MPHOSPH6: variants seen among roughly 807,000 people sequenced by gnomAD.
MPHOSPH6 encodes M-phase phosphoprotein 6.
MPHOSPH6 carries 25 observed loss-of-function variants against 21.8 expected under a neutral mutation model. That is an observed-to-expected ratio of 1.15 (90% CI 0.83 to 1.60). The LOEUF (loss-of-function observed/expected upper bound fraction) is 1.60. MPHOSPH6 is among the 40% of genes most tolerant of loss of function. The probability of loss-of-function intolerance (pLI) is 0.00; values close to 1 mark genes in which losing one functional copy is unlikely to be tolerated. For synonymous variants in MPHOSPH6, 84 were observed against 56.5 expected, an observed-to-expected ratio of 1.49 and a Z score of -2.18; for missense variants, 269 against 181.8, an observed-to-expected ratio of 1.48 and a Z score of -2.76.
intron 2 of MPHOSPH6, among the ~76,000 whole-genome samples, chr16:82,161,872 A>C (rs1567614853): frequency 6.6e-6 from 1 of 152,202 alleles, no homozygotes; most frequent in Non-Finnish European, 1.5e-5. Flanking sequence ...GAATAGCCCT[A>C]ATTATCTTCA....
chr16:82,168,880 G>T (rs914948575), intron 1 of MPHOSPH6, among the ~76,000 whole-genome samples: 4 of 152,188 alleles, frequency 2.6e-5, no homozygotes, highest in African/African-American at 9.7e-5. Context: ...TTAGTGACAG[G>T]CATCACAGAG....
chr16:82,150,465 C>T (rs1906228968), intron 3 of MPHOSPH6, among the ~76,000 whole-genome samples: 1 of 152,204 alleles, frequency 6.6e-6, no homozygotes, highest in African/African-American at 2.4e-5. Context: ...CCTCCTCCCA[C>T]TCCGCCAAAA....
At chr16:82,154,125 G>A (rs1906354061) in intron 2 of MPHOSPH6, among the ~76,000 whole-genome samples, 1 of 152,050 alleles carries the variant, frequency 6.6e-6, no homozygotes, top group Admixed American at 6.5e-5. Context: ...ACCATACCTG[G>A]GGAAAAAAAA....
intron 1 of MPHOSPH6, among the ~76,000 whole-genome samples, chr16:82,168,471 T>TCTC (rs113849593): frequency 0.67 from 88,818 of 132,064 alleles, 30,171 homozygotes; most frequent in East Asian, 0.78. Context: ...TTACTCTCTC[T>TCTC]CTTTTTTTTT....
intron 2 of MPHOSPH6, 195 bp downstream of exon 2, chr16:82,163,887 A>G (rs200982696): frequency 2.1e-4 from 104 of 494,122 alleles, no homozygotes; most frequent in Non-Finnish European, 3.5e-6. Context: ...AGTGGCTGGG[A>G]GGGGGAGTAG....
chr16:82,164,077 C>T lies in MPHOSPH6; in HGVS notation c.164+5G>A. On this transcript the variant is annotated splice_donor_5th_base_variant and intron_variant, in intron 2 of 4. Transcript: ENST00000258169. ...CATCATCAGTATCAATTTTAATAAA[C>T]CTACTCTTTCTCTTTAAGCTCTGGC... 1 of 1,591,704 alleles carries T rather than the reference C, an allele frequency of 6.3e-7. No individual in the cohort carries two copies. Among genetic ancestry groups the T allele is most frequent in the East Asian group, 2.2e-5 (1 of 44,772 alleles).
intron 2 of MPHOSPH6, among the ~76,000 whole-genome samples, chr16:82,156,972 G>A (rs1906447954): frequency 1.3e-5 from 2 of 152,150 alleles, no homozygotes; most frequent in African/African-American, 2.4e-5. Context: ...AGAACCGCTT[G>A]AACCTGGGAA....
intron 1 of MPHOSPH6, among the ~76,000 whole-genome samples, chr16:82,166,934 C>A (rs993891786): frequency 6.6e-6 from 1 of 152,168 alleles, no homozygotes; most frequent in South Asian, 2.1e-4. Context: ...AAGTTCGATT[C>A]TCCTACTCTA....
rs1161128409 is a variant in MPHOSPH6, at chr16:82,165,122, TTTTTTTTTTTA to T, written c.52-939_52-929del. ...ATTCAGGTCCGATATTTCTTTTTTATTTTTTTTTTTATTTTTTTTTTTTGAGACAGAGTCTC... is the reference window on the plus strand; with the variant it reads ...ATTCAGGTCCGATATTTCTTTTTTATTTTTTTTTTTTTGAGACAGAGTCTC... On this transcript the variant is annotated intron_variant, in intron 1 of 4. Coordinates refer to ENST00000258169, the MANE Select transcript of MPHOSPH6 (RefSeq NM_005792.2). 1.8e-3 allele frequency among the ~76,000 whole-genome samples: 53 copies of T among 29,908 alleles called. 5 individuals are homozygous for T. The highest frequency in any genetic ancestry group is 6.5e-3 in the African/African-American group (43 of 6,648). 19.6% of individuals were successfully genotyped at this position (29,908 alleles called of 152,430 possible).
chr16:82,167,556 T>G (rs918800515), intron 1 of MPHOSPH6: 5 of 155,628 alleles, frequency 3.2e-5, no homozygotes, highest in African/African-American at 1.2e-4. Context: ...GAAGAATCAG[T>G]GGAAGACCTG....
chr16:82,169,068 G>A (rs1235700117), intron 1 of MPHOSPH6, among the ~76,000 whole-genome samples: 1 of 152,176 alleles, frequency 6.6e-6, no homozygotes, highest in Non-Finnish European at 1.5e-5. Context: ...TATGTGAATT[G>A]CATAGGTTAA....
At chr16:82,153,708 C>T (rs1383035301) in intron 2 of MPHOSPH6, among the ~76,000 whole-genome samples, 1 of 152,124 alleles carries the variant, frequency 6.6e-6, no homozygotes, top group African/African-American at 2.4e-5. Context: ...AGTCTTTAGA[C>T]TTAGGGAAAA....
At chr16:82,151,643 C>G (rs1906269305) in intron 2 of MPHOSPH6, 129 bp from the exon 3 acceptor site, 1 of 1,268,436 alleles carries the variant, frequency 7.9e-7, no homozygotes, top group Non-Finnish European at 1.0e-6. Context: ...AGTAAGATTT[C>G]TAACTTAGGG....
At position 82,148,329 on chromosome 16, in the gene MPHOSPH6, T is replaced by C. The variant is rs1056675; in HGVS notation, c.*402A>G. On this transcript the variant is annotated 3_prime_UTR_variant, in exon 5 of 5. Transcript: ENST00000258169. ...ATTTATATAATAAATTCTTATGACA[T>C]TTGATTCCAAATTGTATGTACGAAT... 74,708 of 154,588 alleles carry C rather than the reference T, an allele frequency of 0.48. 21,643 individuals carry two copies. Among genetic ancestry groups the C allele is most frequent in the Non-Finnish European group, 0.65 (45,089 of 69,866 alleles). The allele number at this position is 154,588 out of a possible 1,614,324, so 9.6% of individuals were successfully genotyped here.
chr16:82,156,292 G>T (rs1289449235), intron 2 of MPHOSPH6, among the ~76,000 whole-genome samples: 2 of 152,158 alleles, frequency 1.3e-5, no homozygotes, highest in Non-Finnish European at 2.9e-5. Flanking sequence ...CACTGAGCTT[G>T]AGTTAATGAT....
rs374513336 is a variant in MPHOSPH6 at position 82,166,828 on chromosome 16, C to A, written c.52-2634G>T. Among the ~76,000 whole-genome samples the A allele has an allele frequency of 1.1e-4, 16 of 152,254 alleles. No homozygotes were observed. The South Asian group carries it at 2.9e-3, about 28-fold the overall frequency. On this transcript the variant is annotated intron_variant, in intron 1 of 4. Transcript: ENST00000258169. ...TCTCCCATTTAGTCATGTACCTATT[C>A]TTTTGGTATACAACAGCCATATACA...
At chr16:82,166,336 C>T (rs565577780) in intron 1 of MPHOSPH6, among the ~76,000 whole-genome samples, 11 of 152,310 alleles carry the variant, frequency 7.2e-5, no homozygotes, top group South Asian at 2.1e-4. Context: ...GGAATGTGCA[C>T]GCTATACTTC....
intron 1 of MPHOSPH6, chr16:82,164,926 T>G (rs1198896522): frequency 6.6e-6 from 1 of 152,130 alleles, no homozygotes; most frequent in African/African-American, 2.4e-5. Flanking sequence ...CTCACTAGCA[T>G]GAATACCTGT....
chr16:82,150,904 G>C (rs192905007), intron 3 of MPHOSPH6, among the ~76,000 whole-genome samples: 1 of 152,150 alleles, frequency 6.6e-6, no homozygotes, highest in Non-Finnish European at 1.5e-5. Context: ...TTAAATAAAG[G>C]TCTGCTTCTC....
Sources: gnomAD v4.1 joint callset for allele counts (sites outside exome capture counted in the v4.1 genomes callset) on GRCh38, gnomAD v4.1.1 for gene constraint, MANE v1.5 for transcripts, NCBI Gene and HGNC (gene_info 2026-07-23, HGNC 2026-07-21) for gene names.